The following ZFHX3 variants were observed in gnomAD, a reference collection of about 807,000 sequenced individuals.
ZFHX3 encodes the protein zinc finger homeobox protein 3.
A neutral mutation model predicts 279.1 loss-of-function variants in ZFHX3; 42 were observed. That is an observed-to-expected ratio of 0.15 (90% confidence interval 0.12 to 0.19). ZFHX3 has a LOEUF of 0.19. Among genes scored for constraint, ZFHX3 ranks in the 10% least tolerant of loss-of-function variants. The pLI, the probability that ZFHX3 is intolerant of heterozygous loss-of-function variation, is 1.00. For missense variants in ZFHX3, 4,981 were observed against 4,754.0 expected, an observed-to-expected ratio of 1.05 and a Z score of -1.40; for synonymous variants, 2,293 against 1,957.8, an observed-to-expected ratio of 1.17 and a Z score of -4.52.
intron 5 of ZFHX3, among the ~76,000 whole-genome samples, chr16:73,236,291 A>G (rs538335211): frequency 1.3e-5 from 2 of 152,300 alleles, no homozygotes; most frequent in East Asian, 1.9e-4. Context: ...ATGTAATGCC[A>G]TCTTTCTTTA....
chr16:72,869,005 G>A (rs1456170070), intron 4 of ZFHX3, among the ~76,000 whole-genome samples: 3 of 152,208 alleles, frequency 2.0e-5, no homozygotes, highest in African/African-American at 7.2e-5. Flanking sequence ...CCAAATAACA[G>A]AGAAAGGGTG....
intron 3 of ZFHX3, among the ~76,000 whole-genome samples, chr16:73,447,189 A>G (rs2018203066): frequency 6.6e-6 from 1 of 151,906 alleles, no homozygotes; most frequent in Non-Finnish European, 1.5e-5. Flanking sequence ...TCAAAAAAAA[A>G]AAAAAAAATG....
chr16:73,445,434 G>T (rs1339685177), intron 3 of ZFHX3, among the ~76,000 whole-genome samples: 4 of 151,692 alleles, frequency 2.6e-5, no homozygotes, highest in Non-Finnish European at 4.4e-5. Flanking sequence ...TTTTTCATTG[G>T]ATTTAAAGGG....
rs191767874 is a variant in ZFHX3, at chr16:73,525,778, G to C, written c.-1546-69520C>G. On this transcript the variant is annotated intron_variant, in intron 2 of 17. Transcript: ENST00000641206. Reference sequence around the variant, plus strand: ...ATCACTTGTACAAAATACACCCCTTGCAACCTTTTAATATTTCTAGTAATT... The same window carrying C: ...ATCACTTGTACAAAATACACCCCTTCCAACCTTTTAATATTTCTAGTAATT... 1.6e-4 allele frequency among the ~76,000 whole-genome samples: 24 copies of C among 152,258 alleles called. No homozygotes were observed. The East Asian group carries it at 4.6e-3, about 29-fold the overall frequency.
chr16:72,935,466 T>C (rs1960067372), intron 3 of ZFHX3, among the ~76,000 whole-genome samples: 2 of 152,102 alleles, frequency 1.3e-5, no homozygotes, highest in Non-Finnish European at 2.9e-5. Flanking sequence ...TTTGGCCGGG[T>C]GCGGTAGCTC....
At chr16:73,242,964 G>C (rs1017977959) in intron 5 of ZFHX3, among the ~76,000 whole-genome samples, 3 of 152,198 alleles carry the variant, frequency 2.0e-5, no homozygotes, top group Non-Finnish European at 4.4e-5. Flanking sequence ...AGAAGGACGT[G>C]GCAATAGCAA....
chr16:73,171,779 T>C (rs1967531391), intron 5 of ZFHX3, among the ~76,000 whole-genome samples: 1 of 152,182 alleles, frequency 6.6e-6, no homozygotes, highest in African/African-American at 2.4e-5. Context: ...CATGCTACTG[T>C]GCCCCTGATT....
At chr16:73,572,930 T>C (rs1217993740) in intron 2 of ZFHX3, among the ~76,000 whole-genome samples, 1 of 152,180 alleles carries the variant, frequency 6.6e-6, no homozygotes, top group Non-Finnish European at 1.5e-5. Context: ...TGGAAACCTA[T>C]ATTCATCTTT....
At chr16:73,490,539 C>A (rs1597356147) in intron 2 of ZFHX3, among the ~76,000 whole-genome samples, 1 of 152,120 alleles carries the variant, frequency 6.6e-6, no homozygotes, top group South Asian at 2.1e-4. Flanking sequence ...AATCCCTTTG[C>A]GTTAAAACAA....
At chr16:73,288,329 C>T (rs72797373) in intron 4 of ZFHX3, among the ~76,000 whole-genome samples, 26,949 of 152,042 alleles carry the variant, frequency 0.18, 2,711 homozygotes, top group Middle Eastern at 0.28. Context: ...CTGGACATCC[C>T]TCCATGTGGT....
At chr16:73,737,997 C>T (rs985744111) in intron 1 of ZFHX3, among the ~76,000 whole-genome samples, 1 of 152,020 alleles carries the variant, frequency 6.6e-6, no homozygotes, top group Non-Finnish European at 1.5e-5. Flanking sequence ...CTAATGGCAA[C>T]GTTGAGATTT....
chr16:73,587,378 A>G lies in ZFHX3; in HGVS notation c.-1547+92802T>C, dbSNP rs575129184. Among the ~76,000 whole-genome samples, 343 of 152,342 alleles carry G rather than the reference A, an allele frequency of 2.3e-3. 2 individuals are homozygous for G. Among genetic ancestry groups the G allele is most frequent in the South Asian group, 4.3e-3 (21 of 4,832 alleles). The stretch of plus-strand genomic sequence containing the variant: ...AGTGACAAAAATTGGCTGTACAACA[A>G]TTGCAAATGACCTGGACAATGGTTA... On this transcript the variant is annotated intron_variant, in intron 2 of 17. Coordinates refer to the ZFHX3 transcript ENST00000641206.
intron 7 of ZFHX3, among the ~76,000 whole-genome samples, chr16:73,104,662 C>T (rs974048113): frequency 3.2e-4 from 48 of 152,140 alleles, no homozygotes; most frequent in African/African-American, 1.1e-3. Context: ...GCTGTACAAG[C>T]GTAATGGGAA....
chr16:73,593,857 A>G (rs910190855), intron 2 of ZFHX3, among the ~76,000 whole-genome samples: 10 of 152,262 alleles, frequency 6.6e-5, no homozygotes, highest in Non-Finnish European at 1.2e-4. Context: ...TATTTATTCA[A>G]CATAAAAACT....
chr16:73,100,907 A>G (rs901358459), intron 7 of ZFHX3, among the ~76,000 whole-genome samples: 2 of 152,028 alleles, frequency 1.3e-5, no homozygotes, highest in African/African-American at 4.8e-5. Flanking sequence ...AATTTCCAGG[A>G]TTCTCTAAGA....
intron 3 of ZFHX3, among the ~76,000 whole-genome samples, chr16:72,946,134 TC>T (rs1960660673): frequency 2.0e-5 from 3 of 152,354 alleles, no homozygotes; most frequent in South Asian, 4.1e-4. Context: ...CTTACATTCT[TC>T]CGTACTGCAC....
intron 7 of ZFHX3, among the ~76,000 whole-genome samples, chr16:72,808,606 T>C (rs577937025): frequency 6.6e-6 from 1 of 152,338 alleles, no homozygotes; most frequent in East Asian, 1.9e-4. Context: ...ACAAGTGCAT[T>C]TCCCACAATC....
chr16:73,012,199 CTA>C (rs1356271338), intron 1 of ZFHX3, among the ~76,000 whole-genome samples: 1 of 152,208 alleles, frequency 6.6e-6, no homozygotes, highest in African/African-American at 2.4e-5. Context: ...ATAGGTACAA[CTA>C]ACGGGCAGAC....
At chr16:73,788,655 A>G (rs2639323) in intron 1 of ZFHX3, among the ~76,000 whole-genome samples, 76,726 of 151,786 alleles carry the variant, frequency 0.51, 23,055 homozygotes, top group African/African-American at 0.84. Flanking sequence ...GAAATCACAC[A>G]AATCATAAAT....
Sources: gnomAD v4.1 joint callset for allele counts (sites outside exome capture counted in the v4.1 genomes callset) on GRCh38, gnomAD v4.1.1 for gene constraint, MANE v1.5 for transcripts, NCBI Gene and HGNC (gene_info 2026-07-23, HGNC 2026-07-21) for gene names.